The following SEMA6D variants were observed in gnomAD, a reference collection of about 807,000 sequenced individuals.
SEMA6D encodes semaphorin-6D.
In SEMA6D, 35 loss-of-function variants were observed where a neutral mutation model predicts 106.6. That is an observed-to-expected ratio of 0.33 (90% CI 0.25 to 0.44). SEMA6D has a LOEUF of 0.44. SEMA6D is among the 20% of genes least tolerant of loss of function. The probability of loss-of-function intolerance (pLI) is 1.00; values close to 1 mark genes in which losing one functional copy is unlikely to be tolerated. For synonymous variants in SEMA6D, 499 were observed against 487.7 expected (o/e 1.02, Z -0.31); for missense variants, 1,185 against 1,345.9 (o/e 0.88, Z 1.87).
At chr15:47,559,513 A>C (rs967714079) in intron 3 of SEMA6D, among the ~76,000 whole-genome samples, 1 of 152,126 alleles carries the variant, frequency 6.6e-6, no homozygotes, top group Non-Finnish European at 1.5e-5. Context: ...TACATATTGG[A>C]GCATTGACAG....
Position 47,576,440 on chromosome 15 carries a change from G to A in SEMA6D, c.-86-24425G>A, listed in dbSNP as rs544204717. 3.3e-5 allele frequency among the ~76,000 whole-genome samples: 5 copies of A among 152,272 alleles called. 1 individual carries two copies. Among genetic ancestry groups the A allele is most frequent in the African/African-American group, 1.2e-4 (5 of 41,572 alleles). ...GTGTGGTGGAAAGACAGGTGGGGTG[G>A]TCTGATCAGCACCCTACCTGTGATG... On this transcript the variant is annotated intron_variant, in intron 3 of 19. Coordinates refer to the SEMA6D transcript ENST00000558014.
At chr15:47,508,731 G>A (rs747084839) in intron 3 of SEMA6D, among the ~76,000 whole-genome samples, 1 of 152,226 alleles carries the variant, frequency 6.6e-6, no homozygotes, top group Non-Finnish European at 1.5e-5. Flanking sequence ...CACACCTAGT[G>A]TAGTGGCTAA....
intron 3 of SEMA6D, among the ~76,000 whole-genome samples, chr15:47,495,199 A>G (rs899029560): frequency 6.6e-6 from 1 of 152,020 alleles, no homozygotes; most frequent in African/African-American, 2.4e-5. Context: ...GAAACTCTAT[A>G]AATAATAATT....
chr15:47,641,970 T>TAA (rs2077497023), intron 4 of SEMA6D, among the ~76,000 whole-genome samples: 1 of 152,154 alleles, frequency 6.6e-6, no homozygotes, highest in Non-Finnish European at 1.5e-5. Flanking sequence ...CTTGTCGGCC[T>TAA]CCCCTGCTAG....
upstream of SEMA6D, among the ~76,000 whole-genome samples, chr15:47,713,501 A>G (rs990105782): frequency 2.0e-5 from 3 of 152,196 alleles, no homozygotes; most frequent in African/African-American, 7.2e-5. Flanking sequence ...CTATATTATT[A>G]ATGATTTATC....
At chr15:47,247,987 C>T (rs919912796) in intron 1 of SEMA6D, among the ~76,000 whole-genome samples, 3 of 152,130 alleles carry the variant, frequency 2.0e-5, no homozygotes, top group Non-Finnish European at 2.9e-5. Context: ...ATCTATAAAA[C>T]ATTTAAAATA....
intron 1 of SEMA6D, chr15:47,184,468 T>C (rs1287373735): frequency 6.6e-6 from 1 of 152,172 alleles, no homozygotes; most frequent in African/African-American, 2.4e-5. Flanking sequence ...TTTACTTCTT[T>C]ATCTGCGAAG....
chr15:47,659,259 T>G (rs1596554153), intron 4 of SEMA6D, among the ~76,000 whole-genome samples: 3 of 151,874 alleles, frequency 2.0e-5, no homozygotes, highest in South Asian at 2.1e-4. Context: ...TACAAATGGG[T>G]CAATAAAATA....
intron 2 of SEMA6D, among the ~76,000 whole-genome samples, chr15:47,460,471 A>G (rs1458751900): frequency 1.3e-5 from 2 of 152,088 alleles, no homozygotes; most frequent in African/African-American, 4.8e-5. Context: ...CCGACTCTCA[A>G]TGTGCTTTGA....
chr15:47,701,030 T>C (rs2078799806), intron 4 of SEMA6D, among the ~76,000 whole-genome samples: 1 of 152,166 alleles, frequency 6.6e-6, no homozygotes, highest in African/African-American at 2.4e-5. Flanking sequence ...TGACCTTGGG[T>C]TTGGCAGTGA....
Position 47,760,394 on chromosome 15 carries a change from A to C in SEMA6D, c.200A>C (p.Asp67Ala), listed in dbSNP as rs2081995683. 6.2e-7 allele frequency: 1 copy of C among 1,613,208 alleles called. No homozygotes were observed. Among genetic ancestry groups the C allele is most frequent in the South Asian group, 1.1e-5 (1 of 91,046 alleles). Residue 67 changes from aspartate to alanine, a missense_variant, in exon 3 of 19, where the codon GAC becomes GCC. Asp to Ala is a moderately radical substitution (Grantham distance 126). Coordinates refer to ENST00000536845, the MANE Select transcript of SEMA6D (RefSeq NM_001358351.3). ...LDFQLMLKIR[D>A]TLYIAGRDQV... is the part of the protein sequence containing the mutation. Reference sequence around the variant, plus strand: ...TTTCAGCTGATGTTGAAAATTCGAGACACACTTTATATTGCTGGCAGGTAA... The same window carrying C: ...TTTCAGCTGATGTTGAAAATTCGAGCCACACTTTATATTGCTGGCAGGTAA...
intron 2 of SEMA6D, among the ~76,000 whole-genome samples, chr15:47,452,450 A>G (rs922109897): frequency 6.6e-6 from 1 of 152,152 alleles, no homozygotes; most frequent in South Asian, 2.1e-4. Flanking sequence ...TTTACATAGA[A>G]GAATAAATAT....
At chr15:47,661,740 A>T (rs2077924470) in intron 4 of SEMA6D, among the ~76,000 whole-genome samples, 1 of 152,246 alleles carries the variant, frequency 6.6e-6, no homozygotes, top group Non-Finnish European at 1.5e-5. Context: ...GCCTAGTTAC[A>T]GAGAGATTTT....
rs190261853 is a variant in SEMA6D at position 47,457,370 on chromosome 15, T to C, written c.-158-13104T>C. On this transcript the variant is annotated intron_variant, in intron 2 of 19. Transcript: ENST00000558014. ...TATTAGGAGAAATAACATCAATCAA[T>C]ATAAGAAGATTCAGAAAAAAAACAC... Among the ~76,000 whole-genome samples the C allele has an allele frequency of 1.6e-4, 24 of 151,684 alleles. No individual in the cohort carries two copies. In the East Asian group the frequency reaches 4.7e-3, roughly 30 times the overall value.
At chr15:47,623,287 A>G (rs914652103) in intron 4 of SEMA6D, among the ~76,000 whole-genome samples, 2 of 152,162 alleles carry the variant, frequency 1.3e-5, no homozygotes, top group African/African-American at 4.8e-5. Context: ...AGCTAAAGTA[A>G]TGATACTGAT....
chr15:47,238,369 T>G (rs1437594683), intron 1 of SEMA6D, among the ~76,000 whole-genome samples: 1 of 152,114 alleles, frequency 6.6e-6, no homozygotes. Flanking sequence ...TAAGGCCCCA[T>G]ATTTCACCTT....
At chr15:47,444,176 G>A (rs2041962114) in intron 2 of SEMA6D, among the ~76,000 whole-genome samples, 1 of 152,116 alleles carries the variant, frequency 6.6e-6, no homozygotes, top group Non-Finnish European at 1.5e-5. Flanking sequence ...AGTATACAAA[G>A]TCTCATGGAG....
chr15:47,214,551 A>C (rs1342771269), intron 1 of SEMA6D, among the ~76,000 whole-genome samples: 1 of 152,194 alleles, frequency 6.6e-6, no homozygotes, highest in Non-Finnish European at 1.5e-5. Flanking sequence ...TGTGTTTAGA[A>C]TACACATAAT....
chr15:47,341,143 A>C (rs2037796827), intron 1 of SEMA6D, among the ~76,000 whole-genome samples: 1 of 152,134 alleles, frequency 6.6e-6, no homozygotes, highest in Non-Finnish European at 1.5e-5. Flanking sequence ...TAATCCCAGC[A>C]CCTTGGGAGG....
Sources: allele counts gnomAD v4.1 joint callset (sites outside exome capture counted in the v4.1 genomes callset), GRCh38; gene constraint gnomAD v4.1.1; transcripts MANE v1.5; gene names NCBI Gene and HGNC (gene_info 2026-07-23, HGNC 2026-07-21).